Variants in ADAMTS5 observed in about 807,000 individuals in gnomAD.
ADAMTS5 encodes ADAM metallopeptidase with thrombospondin type 1 motif 5.
ADAMTS5 carries 54 observed loss-of-function variants against 81.4 expected under a neutral mutation model. The observed-to-expected ratio is 0.66, with a 90% CI of 0.53 to 0.83. ADAMTS5 has a LOEUF of 0.83. ADAMTS5 is among the 40% of genes least tolerant of loss of function. The pLI is 0.00. For missense variants in ADAMTS5, 1,194 were observed against 1,229.9 expected, an observed-to-expected ratio of 0.97 and a Z score of 0.44; for synonymous variants, 532 against 508.8, an observed-to-expected ratio of 1.05 and a Z score of -0.61.
At position 26,926,114 on chromosome 21, in the gene ADAMTS5, TAA is replaced by T. The variant is rs376991162; in HGVS notation, c.2226-1496_2226-1495del. Among the ~76,000 whole-genome samples, 284 of 152,032 alleles carry T rather than the reference TAA, an allele frequency of 1.9e-3. 24 individuals carry two copies. The South Asian group carries it at 0.048, about 26-fold the overall frequency. ...GGGGAGGCCTTGTCTCTACAAAAAG[TAA>T]AAGAGTTAGCCAGGGATGGTGGCGC... On this transcript the variant is annotated intron_variant, in intron 7 of 7. Transcript: ENST00000284987.
chr21:26,943,561 C>T lies in ADAMTS5; in HGVS notation c.1238-14G>A. On this transcript the variant is annotated splice_polypyrimidine_tract_variant and intron_variant, in intron 2 of 7. Coordinates refer to ENST00000284987, the MANE Select transcript of ADAMTS5 (RefSeq NM_007038.5). ...CAAGTAAATGTCCTAAGGGAGACAA[C>T]AGAGGAAGTACAAATAATCCGTGAT... 1 of 1,605,414 alleles carries T rather than the reference C, an allele frequency of 6.2e-7. No homozygotes were observed. Among genetic ancestry groups the T allele is most frequent in the South Asian group, 1.1e-5 (1 of 90,042 alleles).
intron 7 of ADAMTS5, among the ~76,000 whole-genome samples, chr21:26,925,788 G>A (rs926802056): frequency 3.3e-5 from 5 of 152,120 alleles, no homozygotes; most frequent in Admixed American, 1.3e-4. Context: ...GAAGCTTATC[G>A]CCAAGGAAGT....
rs773557222 is a variant in ADAMTS5 at position 26,924,105 on chromosome 21, G to A, written c.2741C>T (p.Pro914Leu). 2 of 1,611,768 alleles carry A rather than the reference G, an allele frequency of 1.2e-6. No individual in the cohort carries two copies. Among genetic ancestry groups the A allele is most frequent in the Non-Finnish European group, 8.5e-7 (1 of 1,177,964 alleles). ...AAACGCAGAAGGCCTTTGGGAGAGAGGACATCCTTTTGCTAACTTCCGGTT... is the reference window on the plus strand; with the variant it reads ...AAACGCAGAAGGCCTTTGGGAGAGAAGACATCCTTTTGCTAACTTCCGGTT... ...DGNRKLAKGC[P>L]LSQRPSAFKQ... is the part of the protein sequence containing the mutation. Residue 914 changes from proline to leucine, a missense_variant, in exon 8 of 8, where the codon CCT (proline) becomes CTT (leucine). By Grantham distance (98) the Pro-to-Leu change is moderately conservative. Transcript: ENST00000284987.
intron 6 of ADAMTS5, 33 bp from the exon 7 acceptor site, chr21:26,930,094 A>G (rs1000342091): frequency 1.2e-6 from 2 of 1,605,840 alleles, no homozygotes; most frequent in Admixed American, 3.4e-5. Flanking sequence ...GGAGTGGGAA[A>G]TGTTTGCATC....
chr21:26,966,464 G>C lies in ADAMTS5; in HGVS notation c.-73C>G, dbSNP rs1987677629. The C allele has an allele frequency of 4.4e-6, 6 of 1,361,152 alleles. No homozygotes were observed. The highest frequency in any genetic ancestry group is 4.7e-6 in the Non-Finnish European group (5 of 1,059,736). 84.3% of individuals were successfully genotyped at this position (1,361,152 alleles called of 1,614,324 possible). The stretch of plus-strand genomic sequence containing the variant: ...ATTTGTTATTTGCTATGAAGTTAAC[G>C]GGGCGGGGGATGGGGACACACACAC... On this transcript the variant is annotated 5_prime_UTR_variant, in exon 1 of 8. Coordinates refer to ENST00000284987, the MANE Select transcript of ADAMTS5 (RefSeq NM_007038.5).
rs546466739 is a variant in ADAMTS5 at position 26,966,718 on chromosome 21, C to G, written c.-327G>C. Among the ~76,000 whole-genome samples, 3 of 149,166 alleles carry G rather than the reference C, an allele frequency of 2.0e-5. No homozygotes were observed. Among genetic ancestry groups the G allele is most frequent in the Non-Finnish European group, 3.0e-5 (2 of 67,456 alleles). ...TACGGGAAAAGGAAAAAAACAAAAACCAAAAAACCACCAAATGCAGGCACG... is the reference window on the plus strand; with the variant it reads ...TACGGGAAAAGGAAAAAAACAAAAAGCAAAAAACCACCAAATGCAGGCACG... On this transcript the variant is annotated 5_prime_UTR_variant, in exon 1 of 8. Transcript: ENST00000284987.
At chr21:26,934,901 A>G in intron 3 of ADAMTS5, 152 bp from the exon 4 acceptor site, 1 of 1,110,824 alleles carries the variant, frequency 9.0e-7, no homozygotes, top group South Asian at 1.6e-5. Flanking sequence ...CTCCATGGGG[A>G]CAAGGCTGGG....
rs1987646161 is a variant in ADAMTS5, at chr21:26,965,893, G to A, written c.499C>T (p.Pro167Ser). ...TCCGCCCAGGGTCCGCGCAGCAGTG[G>A]CTTTAGGGTGTAGCGCGCGTGCTTG... ...AVKHARYTLK[P>S]LLRGPWAEEE... Residue 167 changes from proline to serine, a missense_variant, in exon 1 of 8, where the codon CCA (proline) becomes TCA (serine). Around this residue, in one of 2 missense-constraint regions of ADAMTS5, gnomAD observed 498 missense variants for 412.3 expected, o/e 1.21. Transcript: ENST00000284987. The A allele has an allele frequency of 6.2e-7, 1 of 1,613,820 alleles. No individual in the cohort carries two copies. The highest frequency in any genetic ancestry group is 1.7e-5 in the Admixed American group (1 of 60,006).
At chr21:26,925,666 T>G (rs1488463464) in intron 7 of ADAMTS5, among the ~76,000 whole-genome samples, 1 of 152,220 alleles carries the variant, frequency 6.6e-6, no homozygotes, top group Non-Finnish European at 1.5e-5. Flanking sequence ...ACTATTGGCT[T>G]GAGCAGTTTG....
Position 26,918,984 on chromosome 21 carries a change from A to C in ADAMTS5, c.*5069T>G, listed in dbSNP as rs892658916. 64 of 151,994 alleles carry C rather than the reference A, an allele frequency of 4.2e-4. No individual in the cohort carries two copies. The highest frequency in any genetic ancestry group is 5.9e-5 in the Non-Finnish European group (4 of 67,908). The allele number at this position is 151,994 out of a possible 1,614,324, so 9.4% of individuals were successfully genotyped here. On this transcript the variant is annotated 3_prime_UTR_variant, in exon 8 of 8. Transcript: ENST00000284987. ...TTACGTCACTGACCACTGTTGGTCA[A>C]AACAATCATTGGATGTGCTTATTTT...
In ADAMTS5 at chr21:26,966,374, C is replaced by G. The variant is rs766286892; in HGVS notation, c.18G>C (p.Ala6=). The change falls in exon 1 of 8, where the codon GCG becomes GCC. Residue 6 remains alanine (A), a synonymous_variant. Transcript: ENST00000284987. Reference sequence around the variant, plus strand: ...GGCGGAACGCGCACAGCAGCAGGGACGCCCACCCGAGCAGCATAGTGCGCT... The same window carrying G: ...GGCGGAACGCGCACAGCAGCAGGGAGGCCCACCCGAGCAGCATAGTGCGCT... MLLGW[A]SLLLCAFRLP... 1.7e-5 allele frequency: 26 copies of G among 1,490,984 alleles called. No homozygotes were observed. Among genetic ancestry groups the G allele is most frequent in the Admixed American group, 2.2e-5 (1 of 44,820 alleles). 92.4% of individuals were successfully genotyped at this position (1,490,984 alleles called of 1,614,324 possible).
At chr21:26,934,393 TGC>T in intron 4 of ADAMTS5, 71 bp downstream of exon 4, 1 of 1,570,024 alleles carries the variant, frequency 6.4e-7, no homozygotes, top group East Asian at 2.2e-5. Context: ...CTGAGAACAG[TGC>T]CCATACCCAT....
At chr21:26,949,186 T>C (rs1009516243) in intron 2 of ADAMTS5, among the ~76,000 whole-genome samples, 7 of 144,808 alleles carry the variant, frequency 4.8e-5, no homozygotes, top group Admixed American at 1.4e-4. Context: ...ATATCACACA[T>C]ATATATATAT....
At position 26,946,453 on chromosome 21, in the gene ADAMTS5, AC is replaced by A. The variant is rs137918385; in HGVS notation, c.1238-2907del. On this transcript the variant is annotated intron_variant, in intron 2 of 7. Coordinates refer to ENST00000284987, the MANE Select transcript of ADAMTS5 (RefSeq NM_007038.5). ...TCCGGGGAATTTAAAATACAGTGTC[AC>A]AGCTGACAACTGTCTTTTAAGTAGG... Among the ~76,000 whole-genome samples, 347 of 152,316 alleles carry A rather than the reference AC, an allele frequency of 2.3e-3. 3 individuals carry two copies. Among genetic ancestry groups the A allele is most frequent in the African/African-American group, 7.0e-3 (292 of 41,580 alleles).
In ADAMTS5 at chr21:26,924,059, T is replaced by C; in HGVS notation, c.2787A>G (p.Lys929=). The C allele has an allele frequency of 6.3e-7, 1 of 1,592,960 alleles. No homozygotes were observed. The highest frequency in any genetic ancestry group is 8.6e-7 in the Non-Finnish European group (1 of 1,164,282). Residue 929 remains lysine, a synonymous_variant, in exon 8 of 8, where the codon AAA becomes AAG. Transcript: ENST00000284987. ...PSAFKQCLLK[K]C ...ATAAGATCATAACCACAGGCTAACA[T>C]TTCTTCAACAAGCATTGCTTAAACG...
rs776991293 is a variant in ADAMTS5 at position 26,932,076 on chromosome 21, G to A, written c.1977C>T (p.Val659=). 5 of 1,614,164 alleles carry A rather than the reference G, an allele frequency of 3.1e-6. 1 individual carries two copies. The Admixed American group carries it at 6.7e-5, about 22-fold the overall frequency. ...FVEWVPKYAG[V]LPADVCKLTC... ...TCAGCTTGCACACATCCGCTGGCAG[G>A]ACACCTGCATATTTGGGAACCCATT... The change falls in exon 6 of 8, where the codon GTC becomes GTT. Residue 659 remains valine, a synonymous_variant. Coordinates refer to ENST00000284987, the MANE Select transcript of ADAMTS5 (RefSeq NM_007038.5).
At chr21:26,955,110 A>C (rs569350083) in intron 1 of ADAMTS5, among the ~76,000 whole-genome samples, 1 of 152,326 alleles carries the variant, frequency 6.6e-6, no homozygotes, top group East Asian at 1.9e-4. Flanking sequence ...TTAGGATTGT[A>C]ACTTGTCTAT....
Position 26,943,517 on chromosome 21 carries a change from G to C in ADAMTS5, c.1268C>G (p.Ser423Cys), listed in dbSNP as rs1429677844. Residue 423 changes from serine (S) to cysteine (C), a missense_variant, in exon 3 of 8, where the codon TCC (serine) becomes TGC (cysteine). Transcript: ENST00000284987. Reference protein sequence around the residue: ...GHLLGLSHDDSKFCEETFGST... With the variant: ...GHLLGLSHDDCKFCEETFGST... ...ACCAAAGGTCTCTTCACAGAATTTGGAATCGTCATGGGAGAGGCCAAGTAA... is the reference window on the plus strand; with the variant it reads ...ACCAAAGGTCTCTTCACAGAATTTGCAATCGTCATGGGAGAGGCCAAGTAA... 6.2e-7 allele frequency: 1 copy of C among 1,613,536 alleles called. No homozygotes were observed. The highest frequency in any genetic ancestry group is 2.2e-5 in the East Asian group (1 of 44,860).
At chr21:26,931,902 C>A in intron 6 of ADAMTS5, 102 bp downstream of exon 6, 11 of 1,230,314 alleles carry the variant, frequency 8.9e-6, no homozygotes, top group South Asian at 2.1e-5. Flanking sequence ...TCTAACTGAC[C>A]CCAAACTAAT....
Sources: allele counts gnomAD v4.1 joint callset (sites outside exome capture counted in the v4.1 genomes callset), GRCh38; gene constraint gnomAD v4.1.1; regional missense constraint gnomAD v4.1.1; transcripts MANE v1.5; gene names NCBI Gene and HGNC (gene_info 2026-07-23, HGNC 2026-07-21).